Variants in GPR158 observed in about 807,000 individuals in gnomAD.
GPR158 encodes the protein metabotropic glycine receptor.
A neutral mutation model predicts 78.2 loss-of-function variants in GPR158; 30 were observed. The ratio of observed to expected loss-of-function variants is 0.38; its 90% CI spans 0.29 to 0.52. The LOEUF (loss-of-function observed/expected upper bound fraction) is 0.52. Among genes scored for constraint, GPR158 ranks in the 20% least tolerant of loss-of-function variants. GPR158 has a pLI of 0.83. For missense variants in GPR158, 1,463 were observed against 1,523.5 expected, an observed-to-expected ratio of 0.96 and a Z score of 0.66; for synonymous variants, 581 against 591.1, an observed-to-expected ratio of 0.98 and a Z score of 0.25.
In GPR158 at chr10:25,176,332, G is replaced by A; in HGVS notation, c.902+10G>A. On this transcript the variant is annotated intron_variant, in intron 1 of 10. Coordinates refer to ENST00000376351, the MANE Select transcript of GPR158 (RefSeq NM_020752.3). The surrounding 1 kb of genome is among the most constrained non-coding windows in gnomAD (Gnocchi z 6.3). ...TGGTCCCGGAATTCAGGTAGGGAGGGCCGGGGGGCAGGGGGGAAGGCAAAA... is the reference window on the plus strand; with the variant it reads ...TGGTCCCGGAATTCAGGTAGGGAGGACCGGGGGGCAGGGGGGAAGGCAAAA... 6.4e-7 allele frequency: 1 copy of A among 1,560,768 alleles called. No homozygotes were observed. Among genetic ancestry groups the A allele is most frequent in the South Asian group, 1.2e-5 (1 of 82,324 alleles).
chr10:25,582,070 TG>T (rs1463755824), intron 7 of GPR158, among the ~76,000 whole-genome samples: 3 of 152,092 alleles, frequency 2.0e-5, no homozygotes, highest in Admixed American at 2.0e-4. Context: ...AAGAATAGTA[TG>T]GGGGAAACCA....
chr10:25,274,674 A>T (rs1854159981), intron 2 of GPR158, among the ~76,000 whole-genome samples: 1 of 152,206 alleles, frequency 6.6e-6, no homozygotes, highest in African/African-American at 2.4e-5. Context: ...TTAAAAATTA[A>T]TTTTACCTGA....
intron 2 of GPR158, among the ~76,000 whole-genome samples, chr10:25,373,215 C>A (rs1037112444): frequency 1.3e-4 from 19 of 151,784 alleles, no homozygotes; most frequent in African/African-American, 4.6e-4. Context: ...TGCATATTGT[C>A]GTTTATAAGT....
chr10:25,588,065 G>T (rs938757016), intron 7 of GPR158, among the ~76,000 whole-genome samples: 3 of 152,082 alleles, frequency 2.0e-5, no homozygotes, highest in African/African-American at 7.2e-5. Context: ...AGATAAAATA[G>T]CAATATTTAG....
chr10:25,288,337 C>T (rs1173963082), intron 2 of GPR158, among the ~76,000 whole-genome samples: 1 of 152,098 alleles, frequency 6.6e-6, no homozygotes, highest in Non-Finnish European at 1.5e-5. Flanking sequence ...GCATCTAGTC[C>T]TGCTCTTTTA....
At chr10:25,292,046 A>G (rs1176112160) in intron 2 of GPR158, among the ~76,000 whole-genome samples, 1 of 152,096 alleles carries the variant, frequency 6.6e-6, no homozygotes, top group East Asian at 1.9e-4. Flanking sequence ...AACCATAGGA[A>G]TCACTCCAAC....
chr10:25,274,464 G>T (rs1243584300), intron 2 of GPR158, among the ~76,000 whole-genome samples: 1 of 152,124 alleles, frequency 6.6e-6, no homozygotes, highest in Non-Finnish European at 1.5e-5. Context: ...TCCGTCACTT[G>T]GTATTCATTA....
intron 5 of GPR158, among the ~76,000 whole-genome samples, chr10:25,514,138 T>A (rs1005847350): frequency 2.6e-5 from 4 of 152,146 alleles, no homozygotes; most frequent in Non-Finnish European, 5.9e-5. Flanking sequence ...TGTGTTGCAG[T>A]CTGTCTCATT....
Position 25,175,930 on chromosome 10 carries a change from C to T in GPR158, c.510C>T (p.Ser170=). The part of the protein sequence containing the change: ...LVWSLLEGEP[S]ISRAAITFST... The stretch of plus-strand genomic sequence containing the variant: ...GGAGCCTTCTGGAGGGCGAGCCCAG[C>T]ATCTCCCGGGCGGCCATCACCTTCA... The change falls in exon 1 of 11, where the codon AGC becomes AGT. Residue 170 remains serine (S), a synonymous_variant. Transcript: ENST00000376351. The surrounding 1 kb of genome is among the most constrained non-coding windows in gnomAD (Gnocchi z 6.4). The T allele has an allele frequency of 6.2e-7, 1 of 1,613,596 alleles. No homozygotes were observed. Among genetic ancestry groups the T allele is most frequent in the Non-Finnish European group, 8.5e-7 (1 of 1,179,982 alleles).
chr10:25,599,300 A>G lies in GPR158; in HGVS notation c.*26A>G, dbSNP rs1373376547. 1 of 1,525,614 alleles carries G rather than the reference A, an allele frequency of 6.6e-7. No individual in the cohort carries two copies. Among genetic ancestry groups the G allele is most frequent in the Admixed American group, 1.8e-5 (1 of 55,922 alleles). The allele number at this position is 1,525,614 out of a possible 1,614,324, so 94.5% of individuals were successfully genotyped here. On this transcript the variant is annotated 3_prime_UTR_variant, in exon 11 of 11. Coordinates refer to ENST00000376351, the MANE Select transcript of GPR158 (RefSeq NM_020752.3). ...CATCTCCAGGAAGAAGAGGAAAAGG[A>G]GGGAACCCCGGATTGGATATGAGAC...
At chr10:25,384,577 A>G (rs1214314638) in intron 2 of GPR158, among the ~76,000 whole-genome samples, 1 of 152,240 alleles carries the variant, frequency 6.6e-6, no homozygotes, top group Non-Finnish European at 1.5e-5. Context: ...ATCCATTTCT[A>G]GAAGATTTGG....
intron 2 of GPR158, among the ~76,000 whole-genome samples, chr10:25,233,276 G>A (rs1853477225): frequency 6.6e-6 from 1 of 152,174 alleles, no homozygotes; most frequent in Admixed American, 6.5e-5. Context: ...ATAATTATCT[G>A]TAATGAAGTG....
At chr10:25,325,099 C>T (rs920993208) in intron 2 of GPR158, among the ~76,000 whole-genome samples, 1 of 152,102 alleles carries the variant, frequency 6.6e-6, no homozygotes. Context: ...CCACCTTGAT[C>T]TCCCAAAGTG....
intron 2 of GPR158, among the ~76,000 whole-genome samples, chr10:25,335,456 C>G (rs1855184145): frequency 6.6e-6 from 1 of 151,970 alleles, no homozygotes; most frequent in South Asian, 2.1e-4. Flanking sequence ...ACTAAAATAG[C>G]TCAACATGCT....
intron 5 of GPR158, among the ~76,000 whole-genome samples, chr10:25,531,149 CAT>C (rs890308413): frequency 8.5e-5 from 13 of 152,110 alleles, no homozygotes; most frequent in African/African-American, 1.4e-4. Flanking sequence ...TTTAAGATAA[CAT>C]ATATTTTTAT....
intron 1 of GPR158, among the ~76,000 whole-genome samples, chr10:25,206,702 C>T (rs902430572): frequency 6.6e-6 from 1 of 151,946 alleles, no homozygotes; most frequent in Non-Finnish European, 1.5e-5. Flanking sequence ...TTCTGTAGCA[C>T]TATTCTTACT....
intron 1 of GPR158, among the ~76,000 whole-genome samples, chr10:25,211,856 A>G (rs1853135775): frequency 6.6e-6 from 1 of 152,264 alleles, no homozygotes; most frequent in African/African-American, 2.4e-5. Flanking sequence ...TTCCTTTATC[A>G]TAAGTATAAG....
chr10:25,344,432 TG>T (rs1225249713), intron 2 of GPR158, among the ~76,000 whole-genome samples: 9 of 151,938 alleles, frequency 5.9e-5, no homozygotes, highest in East Asian at 3.9e-4. Context: ...CTCTTAGCAA[TG>T]TTCAAGTATA....
rs539078877 is a variant in GPR158, at chr10:25,332,871, A to G, written c.1009-63040A>G. 5.8e-4 allele frequency among the ~76,000 whole-genome samples: 89 copies of G among 152,320 alleles called. 1 individual carries two copies. Among genetic ancestry groups the G allele is most frequent in the Non-Finnish European group, 1.2e-3 (82 of 68,036 alleles). ...TCTCCATGTTATAAATGGCTTCAAT[A>G]TACTTTAGGGTTCTGGGTTTCCCCC... On this transcript the variant is annotated intron_variant, in intron 2 of 10. Transcript: ENST00000376351.
Sources: allele counts gnomAD v4.1 joint callset (sites outside exome capture counted in the v4.1 genomes callset), GRCh38; gene constraint gnomAD v4.1.1; non-coding constraint Gnocchi (gnomAD v3.1); transcripts MANE v1.5; gene names NCBI Gene and HGNC (gene_info 2026-07-23, HGNC 2026-07-21).